EPB42: variants seen among roughly 807,000 people sequenced by gnomAD.
The protein encoded by EPB42 is erythrocyte membrane protein band 4.2.
A neutral mutation model predicts 76.9 loss-of-function variants in EPB42; 49 were observed. That is an observed-to-expected ratio of 0.64 (90% confidence interval 0.51 to 0.81). The LOEUF is 0.81. Ranked by LOEUF, EPB42 falls within the 30% of genes least tolerant of loss-of-function variation. The pLI is 0.00. For synonymous variants in EPB42, 310 were observed against 338.4 expected (o/e 0.92, Z 0.92); for missense variants, 731 against 867.6 (o/e 0.84, Z 1.98).
Position 43,215,231 on chromosome 15 carries a change from ATC to A in EPB42, c.292_293del (p.Asp98CysfsTer41). On this transcript the variant is annotated frameshift_variant, in exon 3 of 13. Transcript: ENST00000441366. LOFTEE classifies it high-confidence loss of function. ...TCACAGAGATGGTCCAGGACTGGGC[ATC>A]TCTCTCCTCCACCACTGCACTCCAC... ...KWWSAVVEERDAQSWTISVTT... is the reference protein window; with the variant it reads ...KWWSAVVEERXAQSWTISVTT... 6.2e-7 allele frequency: 1 copy of A among 1,614,192 alleles called. No individual in the cohort carries two copies. The highest frequency in any genetic ancestry group is 8.5e-7 in the Non-Finnish European group (1 of 1,180,026).
intron 12 of EPB42, among the ~76,000 whole-genome samples, chr15:43,199,375 T>C (rs536334052): frequency 3.9e-5 from 6 of 152,328 alleles, no homozygotes; most frequent in Middle Eastern, 3.4e-3. Flanking sequence ...TTTTGGAGCT[T>C]TAAAATTTGA....
intron 12 of EPB42, among the ~76,000 whole-genome samples, chr15:43,201,268 A>C (rs1411157959): frequency 6.6e-6 from 1 of 152,204 alleles, no homozygotes; most frequent in African/African-American, 2.4e-5. Context: ...AATATTATGT[A>C]GCAGAAGACA....
chr15:43,201,531 A>T (rs2042125521), intron 12 of EPB42, among the ~76,000 whole-genome samples: 1 of 152,072 alleles, frequency 6.6e-6, no homozygotes, highest in Non-Finnish European at 1.5e-5. Flanking sequence ...TCCCTTCATT[A>T]CTCTCCAATA....
At chr15:43,215,847 T>C (rs1030943371) in intron 2 of EPB42, among the ~76,000 whole-genome samples, 1 of 152,130 alleles carries the variant, frequency 6.6e-6, no homozygotes, top group African/African-American at 2.4e-5. Context: ...TAGGCCACCA[T>C]GCCTGGCTAA....
chr15:43,216,165 T>G, intron 2 of EPB42, 103 bp downstream of exon 2: 2 of 1,415,072 alleles, frequency 1.4e-6, no homozygotes, highest in Non-Finnish European at 9.8e-7. Context: ...ACGGCCCAGC[T>G]GCAGTGTGGG....
intron 5 of EPB42, chr15:43,209,690 A>G (rs1376993259): frequency 6.0e-6 from 3 of 501,904 alleles, no homozygotes; most frequent in Non-Finnish European, 1.1e-5. Context: ...CTCCAGCCAC[A>G]AAGAGGAGCA....
chr15:43,202,426 CTG>C (rs1348552754), intron 11 of EPB42, among the ~76,000 whole-genome samples: 1 of 152,204 alleles, frequency 6.6e-6, no homozygotes, highest in African/African-American at 2.4e-5. Context: ...TCCCCTACCT[CTG>C]TACTGAAAGG....
upstream of EPB42, among the ~76,000 whole-genome samples, chr15:43,221,606 T>C (rs2042461067): frequency 6.6e-6 from 1 of 152,084 alleles, no homozygotes; most frequent in Non-Finnish European, 1.5e-5. Flanking sequence ...CCTGGGCTTG[T>C]GAAACTGTGT....
At chr15:43,211,164 G>A (rs1051539947) in intron 4 of EPB42, among the ~76,000 whole-genome samples, 25 of 152,116 alleles carry the variant, frequency 1.6e-4, no homozygotes, top group African/African-American at 5.6e-4. Flanking sequence ...GGGGGATTTG[G>A]TCTTTATCTC....
chr15:43,201,749 G>A, intron 12 of EPB42, 95 bp downstream of exon 12: 5 of 1,571,656 alleles, frequency 3.2e-6, no homozygotes, highest in Non-Finnish European at 4.4e-6. Context: ...TCTGCTGTCT[G>A]CATGGACATG....
Position 43,207,398 on chromosome 15 carries a change from C to T in EPB42, c.1119G>A (p.Glu373=). The T allele has an allele frequency of 6.2e-7, 1 of 1,614,152 alleles. No individual in the cohort carries two copies. ...CTGCTGGGGTCAGCCCCAGCGTCCC[C>T]TCCTTGACTGCTCTGACCGGCACCA... The part of the protein sequence containing the change: ...CDLVPVRAVK[E]GTLGLTPAVS... Residue 373 remains glutamate (E), a synonymous_variant, in exon 9 of 13, where the codon GAG becomes GAA. Coordinates refer to ENST00000441366, the MANE Select transcript of EPB42 (RefSeq NM_001114134.2).
In EPB42 at chr15:43,202,091, ACT is replaced by A. The variant is rs10564871; in HGVS notation, c.1780-116_1780-115del. 0.011 allele frequency: 15,956 copies of A among 1,451,038 alleles called. 873 individuals are homozygous for A. The African/African-American group carries it at 0.12, about 11-fold the overall frequency. 89.9% of individuals were successfully genotyped at this position (1,451,038 alleles called of 1,614,324 possible). On this transcript the variant is annotated intron_variant, in intron 11 of 12. Transcript: ENST00000441366. ...AAGTTTCCTCATCTCTGCCAAGCTG[ACT>A]CAAACTTCACAGCTGATGTCTTCTA...
Position 43,201,882 on chromosome 15 carries a change from G to A in EPB42, c.1875C>T (p.Ile625=), listed in dbSNP as rs753280197. 17 of 1,614,030 alleles carry A rather than the reference G, an allele frequency of 1.1e-5. No homozygotes were observed. The highest frequency in any genetic ancestry group is 1.6e-4 in the Middle Eastern group (1 of 6,084). Residue 625 remains isoleucine, a synonymous_variant, in exon 12 of 13, where the codon ATC becomes ATT. Coordinates refer to ENST00000441366, the MANE Select transcript of EPB42 (RefSeq NM_001114134.2). The part of the protein sequence containing the change: ...DAPMEDCVIS[I]LGRGLIHRER... ...CTCTGTGAATGAGCCCCCTTCCCAG[G>A]ATGGAGATCACACAGTCCTCCATGG...
chr15:43,215,675 C>G (rs988563244), intron 2 of EPB42, among the ~76,000 whole-genome samples: 2 of 152,134 alleles, frequency 1.3e-5, no homozygotes, highest in Non-Finnish European at 2.9e-5. Flanking sequence ...AGCCTGGGTT[C>G]GATTCCATCC....
intron 3 of EPB42, among the ~76,000 whole-genome samples, chr15:43,213,214 G>A (rs898682384): frequency 2.6e-5 from 4 of 152,094 alleles, no homozygotes; most frequent in African/African-American, 7.2e-5. Flanking sequence ...TGAGAGCATG[G>A]GCAGTGCCAG....
chr15:43,201,828 G>A lies in EPB42; in HGVS notation c.1913+16C>T. 6.2e-7 allele frequency: 1 copy of A among 1,614,212 alleles called. No homozygotes were observed. The highest frequency in any genetic ancestry group is 8.5e-7 in the Non-Finnish European group (1 of 1,180,028). On this transcript the variant is annotated intron_variant, in intron 12 of 12. Transcript: ENST00000441366. Reference sequence around the variant, plus strand: ...TTGAGACATTTCAGGGGGATGAGAAGCCTGCCATCACTTACCTGTAGCTCC... The same window carrying A: ...TTGAGACATTTCAGGGGGATGAGAAACCTGCCATCACTTACCTGTAGCTCC...
chr15:43,201,592 T>C (rs573324070), intron 12 of EPB42, among the ~76,000 whole-genome samples: 1 of 152,332 alleles, frequency 6.6e-6, no homozygotes, highest in East Asian at 1.9e-4. Context: ...AGGCTCTCCC[T>C]GCAGGATCAG....
intron 1 of EPB42, among the ~76,000 whole-genome samples, chr15:43,217,533 T>C (rs2042397779): frequency 5.8e-5 from 2 of 34,676 alleles, no homozygotes; most frequent in Non-Finnish European, 1.3e-4. Context: ...TAAGGAACAA[T>C]GCTGGAAAAA....
intron 8 of EPB42, among the ~76,000 whole-genome samples, chr15:43,207,746 T>C (rs1379905720): frequency 6.6e-6 from 1 of 152,232 alleles, no homozygotes; most frequent in East Asian, 1.9e-4. Context: ...ACTATGGATA[T>C]GACAGGAATA....
Sources: allele counts gnomAD v4.1 joint callset (sites outside exome capture counted in the v4.1 genomes callset), GRCh38; gene constraint gnomAD v4.1.1; transcripts MANE v1.5; gene names NCBI Gene and HGNC (gene_info 2026-07-23, HGNC 2026-07-21).